The following LILRB5 variants were observed in gnomAD, a reference collection of about 807,000 sequenced individuals.
The protein encoded by LILRB5 is leukocyte immunoglobulin-like receptor subfamily B member 5.
LILRB5 carries 61 observed loss-of-function variants against 68.4 expected under a neutral mutation model. The observed-to-expected ratio is 0.89, with a 90% CI of 0.73 to 1.10. The LOEUF (loss-of-function observed/expected upper bound fraction) is 1.10, where lower values mean the gene tolerates loss of function less well. Ranked by LOEUF, LILRB5 falls within the 50% of genes least tolerant of loss-of-function variation. The pLI is 0.00. For missense variants in LILRB5, 771 were observed against 751.6 expected, an observed-to-expected ratio of 1.03 and a Z score of -0.30; for synonymous variants, 356 against 315.8, an observed-to-expected ratio of 1.13 and a Z score of -1.35.
Position 54,254,845 on chromosome 19 carries a change from A to C in LILRB5, c.1145T>G (p.Met382Arg). 6.2e-7 allele frequency: 1 copy of C among 1,614,110 alleles called. No individual in the cohort carries two copies. The highest frequency in any genetic ancestry group is 1.7e-5 in the Admixed American group (1 of 60,018). The part of the protein sequence containing the change: ...QSYRHQAEFS[M>R]SPVTSAQGGT... ...ACCCTGGGCTGAGGTCACAGGACTC[A>C]TGGAGAATTCAGCCTGGTGTCTATA... The change falls in exon 6 of 13, where the codon ATG (methionine) becomes AGG (arginine). Residue 382 changes from methionine (M) to arginine (R), a missense_variant. Physicochemically the swap from Met to Arg is moderately conservative, Grantham distance 91. Coordinates refer to ENST00000449561, the MANE Select transcript of LILRB5 (RefSeq NM_001081442.3).
rs1182036390 is a variant in LILRB5, at chr19:54,250,921, A to T, written c.1641T>A (p.Ser547=). The stretch of plus-strand genomic sequence containing the variant: ...CGTAGGTCACATCCTGGGGGGCTTC[A>T]GATGCAGCAGCCTGCAGCGGGGGAG... ...GVEMDAPAAA[S]EAPQDVTYAQ... is the part of the protein sequence containing the mutation. Residue 547 remains serine (S), a synonymous_variant, in exon 13 of 13, where the codon TCT becomes TCA. Transcript: ENST00000449561. The T allele has an allele frequency of 5.2e-6, 8 of 1,534,376 alleles. No homozygotes were observed. The highest frequency in any genetic ancestry group is 3.4e-5 in the South Asian group (3 of 89,414).
chr19:54,254,213 G>A lies in LILRB5; in HGVS notation c.1307-145C>T, dbSNP rs527892378. The stretch of plus-strand genomic sequence containing the variant: ...CTCACCGGCCCAGCCTCAGAGCCCC[G>A]GGGAGCCTGTGGCCCCTCCTCTGGC... On this transcript the variant is annotated intron_variant, in intron 7 of 12. Transcript: ENST00000449561. 5.9e-5 allele frequency: 87 copies of A among 1,465,676 alleles called. No homozygotes were observed. The African/African-American group carries it at 8.2e-4, about 14-fold the overall frequency. 90.8% of individuals were successfully genotyped at this position (1,465,676 alleles called of 1,614,324 possible).
At chr19:54,253,620 C>T (rs1399182346) in intron 8 of LILRB5, 2 of 521,462 alleles carry the variant, frequency 3.8e-6, no homozygotes, top group East Asian at 7.6e-5. Context: ...CAGTTTACAG[C>T]TGCTGAAACT....
chr19:54,253,422 G>T, intron 8 of LILRB5: 1 of 209,474 alleles, frequency 4.8e-6, no homozygotes, highest in South Asian at 7.8e-5. Flanking sequence ...AGCTCAGCCA[G>T]GTCCGTTTCC....
At chr19:54,253,054 C>A in intron 8 of LILRB5, 67 bp from the exon 9 acceptor site, 1 of 1,022,604 alleles carries the variant, frequency 9.8e-7, no homozygotes. Flanking sequence ...TGTGCAGGCG[C>A]GAGCTAGGTC....
At position 54,250,049 on chromosome 19, in the gene LILRB5, A is replaced by AAAACG. The variant is rs2078897950; in HGVS notation, c.*736_*737insCGTTT. On this transcript the variant is annotated 3_prime_UTR_variant, in exon 13 of 13. Coordinates refer to ENST00000449561, the MANE Select transcript of LILRB5 (RefSeq NM_001081442.3). ...TCCGTCTCAAAAAACAAAACAAAACAAAACAAAAACCCTCACACAAAAACC... is the reference window on the plus strand; with the variant it reads ...TCCGTCTCAAAAAACAAAACAAAACAAAACGAAACAAAAACCCTCACACAAAAACC... The AAAACG allele has an allele frequency of 6.6e-6, 1 of 152,600 alleles. No individual in the cohort carries two copies. The highest frequency in any genetic ancestry group is 2.4e-5 in the African/African-American group (1 of 41,442). The allele number at this position is 152,600 out of a possible 1,614,324, so 9.5% of individuals were successfully genotyped here.
rs758113291 is a variant in LILRB5 at position 54,256,253 on chromosome 19, C to T, written c.445G>A (p.Gly149Arg). Residue 149 changes from glycine to arginine, a missense_variant, in exon 4 of 13, where the codon GGA becomes AGA. Physicochemically the swap from Gly to Arg is moderately radical, Grantham distance 125. Coordinates refer to ENST00000449561, the MANE Select transcript of LILRB5 (RefSeq NM_001081442.3). ...TCAACAAGAACAAACGTGAGAAGTCCGTCCAGTGTATCACACTGGAGGGTC... is the reference window on the plus strand; with the variant it reads ...TCAACAAGAACAAACGTGAGAAGTCTGTCCAGTGTATCACACTGGAGGGTC... ...NVTLQCDTLD[G>R]LLTFVLVEEE... 44 of 1,613,790 alleles carry T rather than the reference C, an allele frequency of 2.7e-5. No homozygotes were observed. In the African/African-American group the frequency reaches 2.9e-4, roughly 11 times the overall value.
rs12976868 is a variant in LILRB5, at chr19:54,252,060, A to G, written c.1623T>C (p.Asp541=). ...DTQPKDGVEM[D]APAAASEAPQ... is the part of the protein sequence containing the mutation. ...GACAGGGGCGGGGCCTCACCGGAGC[A>G]TCCATCTCCACCCCGTCCTTGGGCT... The change falls in exon 12 of 13, where the codon GAT becomes GAC. Residue 541 remains aspartate, a synonymous_variant. Transcript: ENST00000449561. 0.23 allele frequency: 363,474 copies of G among 1,611,398 alleles called. 43,501 individuals are homozygous for G. The highest frequency in any genetic ancestry group is 0.33 in the Middle Eastern group (1,917 of 5,896).
chr19:54,256,136 T>TG lies in LILRB5; in HGVS notation c.561dup (p.Ser188GlnfsTer24). Reference sequence around the variant, plus strand: ...TAGCATCTGAACCTCCACCTGCAGCTGGGGGTCACGGGACCCACAGGGAAC... The same window carrying TG: ...TAGCATCTGAACCTCCACCTGCAGCTGGGGGGTCACGGGACCCACAGGGAAC... On this transcript the variant is annotated frameshift_variant, in exon 4 of 13. Coordinates refer to ENST00000449561, the MANE Select transcript of LILRB5 (RefSeq NM_001081442.3). LOFTEE classifies it high-confidence loss of function. 6.2e-7 allele frequency: 1 copy of TG among 1,610,408 alleles called. No homozygotes were observed. Among genetic ancestry groups the TG allele is most frequent in the Non-Finnish European group, 8.5e-7 (1 of 1,178,462 alleles).
At chr19:54,254,600 G>T in intron 6 of LILRB5, 135 bp downstream of exon 6, 1 of 1,277,610 alleles carries the variant, frequency 7.8e-7, no homozygotes. Flanking sequence ...CCTCTGAGGG[G>T]TGAGTCTCCC....
At position 54,254,936 on chromosome 19, in the gene LILRB5, T is replaced by C. The variant is rs1284683286; in HGVS notation, c.1054A>G (p.Thr352Ala). Residue 352 changes from threonine (T) to alanine (A), a missense_variant, in exon 6 of 13, where the codon ACT (threonine) becomes GCT (alanine). Transcript: ENST00000449561. ...GCCCCCTCCTTGGTCAAAAAGAAAG[T>C]GTCTATCTGATGCCATGACTGACAC... ...LLCQSWHQID[T>A]FFLTKEGAAH... The C allele has an allele frequency of 1.2e-6, 2 of 1,613,782 alleles. No homozygotes were observed. The highest frequency in any genetic ancestry group is 2.7e-5 in the African/African-American group (2 of 74,906).
Position 54,254,989 on chromosome 19 carries a change from A to G in LILRB5, c.1001T>C (p.Val334Ala). 1 of 1,610,350 alleles carries G rather than the reference A, an allele frequency of 6.2e-7. No individual in the cohort carries two copies. Among genetic ancestry groups the G allele is most frequent in the Non-Finnish European group, 8.5e-7 (1 of 1,178,298 alleles). Reference sequence around the variant, plus strand: ...CAGGGTCACGTTCTCTCCTGAGGCCACCTTGGGGCCCGGCTGCACCGAGAG... The same window carrying G: ...CAGGGTCACGTTCTCTCCTGAGGCCGCCTTGGGGCCCGGCTGCACCGAGAG... ...PALSVQPGPK[V>A]ASGENVTLLC... The change falls in exon 6 of 13, where the codon GTG becomes GCG. Residue 334 changes from valine (V) to alanine (A), a missense_variant. By Grantham distance (64) the Val-to-Ala change is moderately conservative (BLOSUM62 0). Coordinates refer to ENST00000449561, the MANE Select transcript of LILRB5 (RefSeq NM_001081442.3).
In LILRB5 at chr19:54,250,807, G is replaced by A. The variant is rs147283357; in HGVS notation, c.1755C>T (p.Tyr585=). The change falls in exon 13 of 13, where the codon TAC becomes TAT. Residue 585 remains tyrosine (Y), a synonymous_variant. Transcript: ENST00000449561. Reference sequence around the variant, plus strand: ...TGGGCTAGTGGATGGCCAGGGGGGCGTAGATGCTGGGTTCAGCTGGAGGTT... The same window carrying A: ...TGGGCTAGTGGATGGCCAGGGGGGCATAGATGCTGGGTTCAGCTGGAGGTT... ...EREPPAEPSI[Y]APLAIH 719 of 1,614,130 alleles carry A rather than the reference G, an allele frequency of 4.5e-4. 4 individuals carry two copies. In the African/African-American group the frequency reaches 7.6e-3, roughly 17 times the overall value.
At position 54,250,717 on chromosome 19, in the gene LILRB5, G is replaced by A; in HGVS notation, c.*69C>T. 6.3e-7 allele frequency: 1 copy of A among 1,598,168 alleles called. No homozygotes were observed. The highest frequency in any genetic ancestry group is 1.3e-5 in the African/African-American group (1 of 74,552). On this transcript the variant is annotated 3_prime_UTR_variant, in exon 13 of 13. Coordinates refer to ENST00000449561, the MANE Select transcript of LILRB5 (RefSeq NM_001081442.3). ...TGGGGTTCATTGGTGTCCACTGGGGGCAGCTCCTGTGCCTTCTGGAGTCTC... is the reference window on the plus strand; with the variant it reads ...TGGGGTTCATTGGTGTCCACTGGGGACAGCTCCTGTGCCTTCTGGAGTCTC...
At position 54,252,036 on chromosome 19, in the gene LILRB5, A is replaced by G. The variant is rs748557221; in HGVS notation, c.1629+18T>C. 6.2e-6 allele frequency: 10 copies of G among 1,612,604 alleles called. No homozygotes were observed. The highest frequency in any genetic ancestry group is 8.5e-6 in the Non-Finnish European group (10 of 1,179,268). ...CACCAGGAGGCCTTTGGTGCCCGGG[A>G]CAGGGGCGGGGCCTCACCGGAGCAT... On this transcript the variant is annotated intron_variant, in intron 12 of 12. Coordinates refer to ENST00000449561, the MANE Select transcript of LILRB5 (RefSeq NM_001081442.3).
Position 54,255,006 on chromosome 19 carries a change from C to A in LILRB5, c.984G>T (p.Val328=). 2 of 1,611,970 alleles carry A rather than the reference C, an allele frequency of 1.2e-6. No homozygotes were observed. The part of the protein sequence containing the change: ...GLIPDIPALS[V]QPGPKVASGE... ...CTGAGGCCACCTTGGGGCCCGGCTG[C>A]ACCGAGAGGGCGGGTATGTCAGGGA... Residue 328 remains valine (V), a synonymous_variant, in exon 6 of 13, where the codon GTG becomes GTT. Transcript: ENST00000449561.
At chr19:54,253,058 C>T in intron 8 of LILRB5, 71 bp from the exon 9 acceptor site, 2 of 989,954 alleles carry the variant, frequency 2.0e-6, no homozygotes, top group South Asian at 1.5e-5. Flanking sequence ...CAGGCGCGAG[C>T]TAGGTCTTTC....
intron 8 of LILRB5, 113 bp downstream of exon 8, chr19:54,253,905 C>A (rs2079034897): frequency 1.9e-6 from 3 of 1,539,938 alleles, no homozygotes; most frequent in Admixed American, 2.1e-5. Context: ...GAGGCCCAGG[C>A]AGGGGAAGGG....
chr19:54,257,244 C>T lies in LILRB5; in HGVS notation c.-51G>A. The T allele has an allele frequency of 6.2e-7, 1 of 1,612,232 alleles. No homozygotes were observed. The highest frequency in any genetic ancestry group is 1.7e-4 in the Middle Eastern group (1 of 6,058). ...TGTGCAGGCGGATGAGACCACGGTG[C>T]CTGGCAGGACACAAAAACACGCAGA... On this transcript the variant is annotated 5_prime_UTR_variant, in exon 1 of 13. Transcript: ENST00000449561.
Sources: gnomAD v4.1 joint callset for allele counts on GRCh38, gnomAD v4.1.1 for gene constraint, MANE v1.5 for transcripts, NCBI Gene and HGNC (gene_info 2026-07-23, HGNC 2026-07-21) for gene names.